TLL1: variants seen among roughly 807,000 people sequenced by gnomAD.
The protein encoded by TLL1 is tolloid-like protein 1.
A neutral mutation model predicts 128.2 loss-of-function variants in TLL1; 49 were observed. The ratio of observed to expected loss-of-function variants is 0.38; its 90% CI spans 0.30 to 0.48. The LOEUF (loss-of-function observed/expected upper bound fraction) is 0.48, where lower values mean the gene tolerates loss of function less well. TLL1 is among the 20% of genes least tolerant of loss of function. The pLI is 0.96. For missense variants in TLL1, 1,123 were observed against 1,242.0 expected, an observed-to-expected ratio of 0.90 and a Z score of 1.44; for synonymous variants, 454 against 418.8, an observed-to-expected ratio of 1.08 and a Z score of -1.03.
At chr4:166,097,316 C>T (rs1232092472) in intron 19 of TLL1, among the ~76,000 whole-genome samples, 1 of 151,986 alleles carries the variant, frequency 6.6e-6, no homozygotes, top group Non-Finnish European at 1.5e-5. Context: ...AGATAAAATC[C>T]CAAGGCTAAT....
intron 1 of TLL1, among the ~76,000 whole-genome samples, chr4:165,904,326 G>A (rs1219107395): frequency 6.6e-6 from 1 of 152,062 alleles, no homozygotes; most frequent in Non-Finnish European, 1.5e-5. Context: ...CTGTGTTCAG[G>A]TCTCTTGGTT....
chr4:165,924,288 C>G (rs1344162634), intron 1 of TLL1, among the ~76,000 whole-genome samples: 1 of 152,088 alleles, frequency 6.6e-6, no homozygotes, highest in Non-Finnish European at 1.5e-5. Context: ...ACAGAGTTAC[C>G]CAAGTTTTGA....
At chr4:165,999,036 A>G (rs1737025935) in intron 5 of TLL1, among the ~76,000 whole-genome samples, 2 of 151,754 alleles carry the variant, frequency 1.3e-5, no homozygotes, top group Non-Finnish European at 1.5e-5. Flanking sequence ...TCCATTTGAG[A>G]CCACCTCAGC....
At chr4:165,920,695 T>C (rs1276288643) in intron 1 of TLL1, among the ~76,000 whole-genome samples, 1 of 152,194 alleles carries the variant, frequency 6.6e-6, no homozygotes. Flanking sequence ...TCTTATCAAA[T>C]CCTGAGGATC....
chr4:166,094,901 GA>G (rs1741949690), intron 19 of TLL1, among the ~76,000 whole-genome samples: 1 of 151,932 alleles, frequency 6.6e-6, no homozygotes, highest in African/African-American at 2.4e-5. Context: ...AAATGTGTGG[GA>G]ATTTTTAAGA....
Position 166,104,404 on chromosome 4 carries a change from T to A in TLL1, c.*3528T>A, listed in dbSNP as rs1002613623. Among the ~76,000 whole-genome samples, 19 of 152,028 alleles carry A rather than the reference T, an allele frequency of 1.2e-4. No individual in the cohort carries two copies. Among genetic ancestry groups the A allele is most frequent in the African/African-American group, 4.3e-4 (18 of 41,536 alleles). ...TATGGAAAATTTTTGATACCACTTGTTAAATCAGGCATGGGAGGAGGAGAG... is the reference window on the plus strand; with the variant it reads ...TATGGAAAATTTTTGATACCACTTGATAAATCAGGCATGGGAGGAGGAGAG... On this transcript the variant is annotated 3_prime_UTR_variant, in exon 21 of 21. Transcript: ENST00000061240.
intron 1 of TLL1, chr4:165,875,169 G>C (rs1730670010): frequency 6.6e-6 from 1 of 152,378 alleles, no homozygotes; most frequent in Admixed American, 6.5e-5. Context: ...GCAGAGGAAG[G>C]GAGTGGACAA....
At chr4:165,924,695 G>A (rs1733190196) in intron 1 of TLL1, among the ~76,000 whole-genome samples, 2 of 152,216 alleles carry the variant, frequency 1.3e-5, no homozygotes, top group Non-Finnish European at 2.9e-5. Flanking sequence ...TATTTTCAAT[G>A]TAGATGGAGC....
intron 9 of TLL1, among the ~76,000 whole-genome samples, chr4:166,034,184 A>G (rs546866380): frequency 1.4e-4 from 22 of 152,336 alleles, no homozygotes; most frequent in African/African-American, 5.3e-4. Flanking sequence ...CTGAAAAAAG[A>G]AAATACAATT....
intron 5 of TLL1, among the ~76,000 whole-genome samples, chr4:165,996,590 C>G (rs999727883): frequency 7.2e-6 from 1 of 138,248 alleles, no homozygotes; most frequent in African/African-American, 2.8e-5. Context: ...CAGAGGAAGA[C>G]TCCATCTCAA....
chr4:166,087,773 G>A (rs1741590621), intron 18 of TLL1, among the ~76,000 whole-genome samples: 3 of 152,274 alleles, frequency 2.0e-5, no homozygotes, highest in South Asian at 2.1e-4. Flanking sequence ...AGCCTGGCCA[G>A]GGGCCAGCCA....
At chr4:166,093,645 A>G (rs562145254) in intron 19 of TLL1, among the ~76,000 whole-genome samples, 3 of 152,232 alleles carry the variant, frequency 2.0e-5, no homozygotes, top group South Asian at 4.1e-4. Context: ...GACCCTTTAC[A>G]GGTGTCGGGC....
intron 7 of TLL1, among the ~76,000 whole-genome samples, chr4:166,009,940 G>T (rs1386582193): frequency 6.6e-6 from 1 of 151,110 alleles, no homozygotes; most frequent in Admixed American, 6.6e-5. Context: ...TATTCATCTT[G>T]CAAAACGTAA....
intron 17 of TLL1, among the ~76,000 whole-genome samples, chr4:166,077,217 T>C (rs1043865876): frequency 2.1e-4 from 26 of 126,776 alleles, no homozygotes; most frequent in African/African-American, 6.2e-4. Flanking sequence ...TAAAATGAGG[T>C]TATTTTAATT....
chr4:166,076,577 T>C (rs1418248623), intron 17 of TLL1, among the ~76,000 whole-genome samples: 1 of 152,160 alleles, frequency 6.6e-6, no homozygotes. Flanking sequence ...GGAAAGGGGT[T>C]GGATCATCTT....
At chr4:166,043,099 G>GT (rs3215131) in intron 11 of TLL1, among the ~76,000 whole-genome samples, 175 bp from the exon 12 acceptor site, 44,681 of 151,784 alleles carry the variant, frequency 0.29, 6,784 homozygotes, top group East Asian at 0.38. Flanking sequence ...ACTTTACTAG[G>GT]TTTTTTTTAC....
At chr4:166,035,692 C>T (rs959585330) in intron 9 of TLL1, among the ~76,000 whole-genome samples, 5 of 152,034 alleles carry the variant, frequency 3.3e-5, no homozygotes, top group Admixed American at 2.0e-4. Context: ...ATCAGTTATT[C>T]CAGAGACTGG....
chr4:166,058,959 A>G (rs1054915765), intron 14 of TLL1, among the ~76,000 whole-genome samples: 1 of 152,124 alleles, frequency 6.6e-6, no homozygotes, highest in Non-Finnish European at 1.5e-5. Context: ...TTTGGCTTCC[A>G]GAAGTCTCTA....
At chr4:165,883,484 T>C (rs1023241013) in intron 1 of TLL1, among the ~76,000 whole-genome samples, 2 of 152,192 alleles carry the variant, frequency 1.3e-5, no homozygotes, top group Non-Finnish European at 2.9e-5. Context: ...CAGCAAGTTA[T>C]TTAACCTCAT....
Sources: gnomAD v4.1 joint callset for allele counts (sites outside exome capture counted in the v4.1 genomes callset) on GRCh38, gnomAD v4.1.1 for gene constraint, MANE v1.5 for transcripts, NCBI Gene and HGNC (gene_info 2026-07-23, HGNC 2026-07-21) for gene names.